ANXA2: variants seen among roughly 807,000 people sequenced by gnomAD.
ANXA2 encodes annexin A2, also known as annexin II.
A neutral mutation model predicts 47.3 loss-of-function variants in ANXA2; 28 were observed. The ratio of observed to expected loss-of-function variants is 0.59; its 90% CI spans 0.44 to 0.81. The LOEUF (loss-of-function observed/expected upper bound fraction) is 0.81. Among genes scored for constraint, ANXA2 ranks in the 40% least tolerant of loss-of-function variants. The pLI, the probability that ANXA2 is intolerant of heterozygous loss-of-function variation, is 0.00. For missense variants in ANXA2, 384 were observed against 414.3 expected (o/e 0.93, Z 0.64); for synonymous variants, 172 against 155.5 (o/e 1.11, Z -0.79).
intron 3 of ANXA2, among the ~76,000 whole-genome samples, chr15:60,379,942 A>G (rs2062832783): frequency 1.3e-5 from 2 of 152,192 alleles, no homozygotes; most frequent in Admixed American, 1.3e-4. Flanking sequence ...CCAGTGCACT[A>G]AGTGCTTTCT....
chr15:60,372,687 C>G (rs1488462720), intron 3 of ANXA2, among the ~76,000 whole-genome samples: 1 of 146,304 alleles, frequency 6.8e-6, no homozygotes, highest in Non-Finnish European at 1.5e-5. Context: ...GCTCAACAAT[C>G]TTTCCTTTTT....
rs1288839713 is a variant in ANXA2, at chr15:60,374,545, CA to C, written c.148+7796del. On this transcript the variant is annotated intron_variant, in intron 3 of 12. Transcript: ENST00000451270. ...GGTGAAACTGGTATTTGGATTTCCT[CA>C]GGGAAAAGAGCTAACTGTTTTTTAA... The C allele has an allele frequency of 1.8e-5, 8 of 455,788 alleles. No individual in the cohort carries two copies. In the Admixed American group the frequency reaches 1.9e-4, roughly 11 times the overall value. 28.2% of individuals were successfully genotyped at this position (455,788 alleles called of 1,614,324 possible). A position where few individuals can be genotyped will look rare whatever the true frequency, so the allele number is the denominator to read the frequency against.
At position 60,347,457 on chromosome 15, in the gene ANXA2, A is replaced by G; in HGVS notation, c.*173T>C. 1.6e-6 allele frequency: 1 copy of G among 630,914 alleles called. No homozygotes were observed. The highest frequency in any genetic ancestry group is 2.8e-6 in the Non-Finnish European group (1 of 356,660). The allele number at this position is 630,914 out of a possible 1,614,324, so 39.1% of individuals were successfully genotyped here. ...TTCATTTCTTTGGCTTACAGGAGAG[A>G]CTAGACAGGAAGGCCAGGCAATGCT... On this transcript the variant is annotated 3_prime_UTR_variant, in exon 13 of 13. Transcript: ENST00000451270.
intron 1 of ANXA2, among the ~76,000 whole-genome samples, chr15:60,396,675 G>A (rs2063084847): frequency 6.6e-6 from 1 of 152,204 alleles, no homozygotes; most frequent in African/African-American, 2.4e-5. Context: ...AGCACCTTCT[G>A]CAACACTGTT....
intron 7 of ANXA2, among the ~76,000 whole-genome samples, 196 bp from the exon 8 acceptor site, chr15:60,354,409 A>G (rs2062393615): frequency 6.6e-6 from 1 of 152,186 alleles, no homozygotes; most frequent in African/African-American, 2.4e-5. Flanking sequence ...TGGGAAGCCA[A>G]GGCGGGCAGA....
intron 1 of ANXA2, chr15:60,386,293 A>C: frequency 1.9e-6 from 1 of 538,288 alleles, no homozygotes. Context: ...GGACTACTAA[A>C]CTAGCCAGTC....
Position 60,351,888 on chromosome 15 carries a change from A to G in ANXA2, c.683-69T>C. On this transcript the variant is annotated intron_variant, in intron 9 of 12. Transcript: ENST00000451270. ...CAAAGCTGTCAACGATCACCCACCT[A>G]GTTTTATGCACCATAATTTTTTTAA... 4 of 1,041,700 alleles carry G rather than the reference A, an allele frequency of 3.8e-6. No homozygotes were observed. The South Asian group carries it at 4.0e-5, about 10-fold the overall frequency. The allele number at this position is 1,041,700 out of a possible 1,614,324, so 64.5% of individuals were successfully genotyped here.
In ANXA2 at chr15:60,349,198, C is replaced by G. The variant is rs1212151407; in HGVS notation, c.838-1G>C. ...GGACCTTATCTCGCGTCCCCTTGCC[C>G]TGAAAATCAAGTTGATATTTGTTAC... On this transcript the variant is annotated splice_acceptor_variant, in intron 11 of 12. Transcript: ENST00000451270. LOFTEE classifies it high-confidence loss of function. 17 of 1,613,652 alleles carry G rather than the reference C, an allele frequency of 1.1e-5. No individual in the cohort carries two copies. Among genetic ancestry groups the G allele is most frequent in the Non-Finnish European group, 1.4e-5 (17 of 1,179,812 alleles).
At chr15:60,350,614 G>A (rs568765039) in intron 11 of ANXA2, among the ~76,000 whole-genome samples, 1 of 152,306 alleles carries the variant, frequency 6.6e-6, no homozygotes, top group African/African-American at 2.4e-5. Context: ...CACACTTGAG[G>A]TGTAGAAAAT....
intron 3 of ANXA2, chr15:60,374,828 G>T (rs1026411490): frequency 2.5e-6 from 1 of 398,082 alleles, no homozygotes; most frequent in African/African-American, 2.1e-5. Context: ...AACACAGAGA[G>T]AAAGGCCTCA....
chr15:60,351,215 T>G lies in ANXA2; in HGVS notation c.815A>C (p.Asp272Ala). 1 of 1,614,170 alleles carries G rather than the reference T, an allele frequency of 6.2e-7. No individual in the cohort carries two copies. Among genetic ancestry groups the G allele is most frequent in the East Asian group, 2.2e-5 (1 of 44,878 alleles). Reference sequence around the variant, plus strand: ...TACCTTCATGGAGTCATACAGCCGATCAGCAAAATACAGGGGCTTGTTCTG... The same window carrying G: ...TACCTTCATGGAGTCATACAGCCGAGCAGCAAAATACAGGGGCTTGTTCTG... ...CIQNKPLYFA[D>A]RLYDSMKGKG... The change falls in exon 11 of 13, where the codon GAT becomes GCT. Residue 272 changes from aspartate (D) to alanine (A), a missense_variant. Asp to Ala is a moderately radical substitution (Grantham distance 126). Coordinates refer to ENST00000451270, the MANE Select transcript of ANXA2 (RefSeq NM_004039.3).
intron 3 of ANXA2, among the ~76,000 whole-genome samples, chr15:60,380,900 T>C (rs1278223755): frequency 4.9e-5 from 7 of 144,282 alleles, no homozygotes; most frequent in African/African-American, 1.8e-4. Flanking sequence ...ATCTGGGGGG[T>C]GGTCCACAGC....
intron 4 of ANXA2, among the ~76,000 whole-genome samples, chr15:60,363,760 C>G (rs1164192610): frequency 6.6e-6 from 1 of 152,104 alleles, no homozygotes; most frequent in Admixed American, 6.5e-5. Flanking sequence ...TAAGCCCACT[C>G]GTTGCAAAAA....
At position 60,352,246 on chromosome 15, in the gene ANXA2, G is replaced by A; in HGVS notation, c.682+137C>T. On this transcript the variant is annotated intron_variant, in intron 9 of 12. Transcript: ENST00000451270. The surrounding 1 kb of genome is among the most constrained non-coding windows in gnomAD (Gnocchi z 4.2). ...ATCCAGAATGGGAGAGAAAGGTGAGGGAAAATGGGTGAGCCTATGAGAGTG... is the reference window on the plus strand; with the variant it reads ...ATCCAGAATGGGAGAGAAAGGTGAGAGAAAATGGGTGAGCCTATGAGAGTG... 1 of 583,112 alleles carries A rather than the reference G, an allele frequency of 1.7e-6. No homozygotes were observed. Among genetic ancestry groups the A allele is most frequent in the African/African-American group, 1.9e-5 (1 of 53,290 alleles). 36.1% of individuals were successfully genotyped at this position (583,112 alleles called of 1,614,324 possible). A position where few individuals can be genotyped will look rare whatever the true frequency, so the allele number is the denominator to read the frequency against.
chr15:60,367,183 CCG>C (rs2062631921), intron 3 of ANXA2, among the ~76,000 whole-genome samples: 1 of 82,692 alleles, frequency 1.2e-5, no homozygotes, highest in Non-Finnish European at 2.5e-5. Context: ...GGTCAGCCCC[CCG>C]TCCGGCCAGC....
chr15:60,396,552 T>C (rs1312175034), intron 1 of ANXA2: 2 of 152,204 alleles, frequency 1.3e-5, no homozygotes, highest in African/African-American at 4.8e-5. Context: ...ATTTCAGTGA[T>C]TTAGTCTTCC....
chr15:60,356,664 A>G (rs1413934026), intron 6 of ANXA2, among the ~76,000 whole-genome samples: 1 of 152,154 alleles, frequency 6.6e-6, no homozygotes, highest in African/African-American at 2.4e-5. Context: ...TAAAACAAAA[A>G]AGAAATGCAG....
At position 60,390,189 on chromosome 15, in the gene ANXA2, C is replaced by T. The variant is rs1047770004; in HGVS notation, c.-11-4103G>A. On this transcript the variant is annotated intron_variant, in intron 1 of 12. Transcript: ENST00000451270. ...AAAAAAAAACAAAACACAAACATCA[C>T]AATAACCACAAAGTCACACTTACCA... 1.8e-5 allele frequency: 14 copies of T among 798,040 alleles called. No homozygotes were observed. In the East Asian group the frequency reaches 1.5e-3, roughly 83 times the overall value. 49.4% of individuals were successfully genotyped at this position (798,040 alleles called of 1,614,324 possible). A position where few individuals can be genotyped will look rare whatever the true frequency, so the allele number is the denominator to read the frequency against.
intron 3 of ANXA2, among the ~76,000 whole-genome samples, chr15:60,376,292 G>A (rs552157378): frequency 2.0e-5 from 3 of 152,160 alleles, no homozygotes; most frequent in African/African-American, 7.2e-5. Context: ...TGAGGTAGGA[G>A]AATCGCTTGA....
Sources: allele counts gnomAD v4.1 joint callset (sites outside exome capture counted in the v4.1 genomes callset), GRCh38; gene constraint gnomAD v4.1.1; non-coding constraint Gnocchi (gnomAD v3.1); transcripts MANE v1.5; gene names NCBI Gene and HGNC (gene_info 2026-07-23, HGNC 2026-07-21).